The following FER variants were observed in gnomAD, a reference collection of about 807,000 sequenced individuals.
FER encodes tyrosine-protein kinase Fer.
Under a neutral mutation model 111.0 loss-of-function variants are expected in FER, and 63 were observed. The observed-to-expected ratio is 0.57, with a 90% CI of 0.46 to 0.70. The LOEUF (loss-of-function observed/expected upper bound fraction) is 0.70, where lower values mean the gene tolerates loss of function less well. Among genes scored for constraint, FER ranks in the 30% least tolerant of loss-of-function variants. FER has a pLI of 0.00. For synonymous variants in FER, 327 were observed against 313.9 expected (o/e 1.04, Z -0.44); for missense variants, 914 against 954.0 (o/e 0.96, Z 0.55).
intron 1 of FER, among the ~76,000 whole-genome samples, chr5:108,752,685 A>G (rs1001657887): frequency 7.2e-5 from 11 of 152,080 alleles, no homozygotes; most frequent in African/African-American, 2.4e-4. Context: ...ATCTAGGTAA[A>G]ACAAAGTTTT....
intron 17 of FER, among the ~76,000 whole-genome samples, chr5:109,116,099 C>A (rs139789559): frequency 2.0e-5 from 3 of 152,016 alleles, no homozygotes; most frequent in African/African-American, 4.8e-5. Context: ...TACATGAACT[C>A]AAAGGGAGTG....
intron 17 of FER, among the ~76,000 whole-genome samples, chr5:109,168,933 A>C (rs1756821775): frequency 1.3e-5 from 2 of 152,204 alleles, no homozygotes; most frequent in Admixed American, 1.3e-4. Flanking sequence ...CATTTATAGA[A>C]ATTATTTTGT....
intron 16 of FER, among the ~76,000 whole-genome samples, chr5:109,047,956 G>A (rs1193547144): frequency 4.0e-5 from 6 of 151,892 alleles, no homozygotes; most frequent in South Asian, 2.1e-4. Flanking sequence ...AGTTTTTTTC[G>A]TTGTCCAACT....
chr5:109,078,347 C>T (rs1776609509), intron 16 of FER, among the ~76,000 whole-genome samples: 1 of 152,076 alleles, frequency 6.6e-6, no homozygotes, highest in Non-Finnish European at 1.5e-5. Context: ...TATTTTTTAT[C>T]CACTGACAAG....
chr5:108,981,493 A>C (rs1284668119), intron 13 of FER, among the ~76,000 whole-genome samples: 2 of 152,128 alleles, frequency 1.3e-5, no homozygotes, highest in African/African-American at 4.8e-5. Flanking sequence ...CTACACATTC[A>C]GTTCTGAGTG....
At chr5:109,065,582 C>G (rs573892302) in intron 16 of FER, among the ~76,000 whole-genome samples, 1 of 152,130 alleles carries the variant, frequency 6.6e-6, no homozygotes, top group Non-Finnish European at 1.5e-5. Context: ...ATCAGCTGAG[C>G]TTGGTGGCTC....
chr5:109,075,973 A>G (rs899502133), intron 16 of FER, among the ~76,000 whole-genome samples: 1 of 152,026 alleles, frequency 6.6e-6, no homozygotes, highest in Non-Finnish European at 1.5e-5. Context: ...ATGTATCTTC[A>G]GAAAAGAAAA....
intron 10 of FER, among the ~76,000 whole-genome samples, chr5:108,906,721 C>T (rs1055538556): frequency 6.6e-6 from 1 of 151,700 alleles, no homozygotes; most frequent in Non-Finnish European, 1.5e-5. Flanking sequence ...AAAAAAATCC[C>T]TAAGTACAAT....
intron 5 of FER, among the ~76,000 whole-genome samples, chr5:108,847,947 G>A (rs1762177114): frequency 6.6e-6 from 1 of 151,886 alleles, no homozygotes; most frequent in Non-Finnish European, 1.5e-5. Context: ...TGCAGTGGTG[G>A]TGCGATCATA....
intron 17 of FER, among the ~76,000 whole-genome samples, chr5:109,180,416 G>C (rs1333364254): frequency 6.6e-6 from 1 of 152,188 alleles, no homozygotes; most frequent in African/African-American, 2.4e-5. Flanking sequence ...GGACAATGCT[G>C]CTCTAGGAAA....
At chr5:108,841,007 G>C (rs930985104) in intron 5 of FER, among the ~76,000 whole-genome samples, 3 of 152,214 alleles carry the variant, frequency 2.0e-5, no homozygotes, top group African/African-American at 7.2e-5. Flanking sequence ...ATGCCTAGCA[G>C]ATGACTGGGA....
rs958844781 is a variant in FER, at chr5:109,191,580, G to C, written c.*4005G>C. The C allele has an allele frequency of 6.6e-6, 1 of 151,878 alleles. No individual in the cohort carries two copies. Among genetic ancestry groups the C allele is most frequent in the African/African-American group, 2.4e-5 (1 of 41,362 alleles). The allele number at this position is 151,878 out of a possible 1,614,324, so 9.4% of individuals were successfully genotyped here. On this transcript the variant is annotated 3_prime_UTR_variant, in exon 20 of 20. Coordinates refer to ENST00000281092, the MANE Select transcript of FER (RefSeq NM_005246.4). ...GTTGGAAAAGACATGTTTTCTTTAGGTATTAATATCTTAATTAAATGGAAT... is the reference window on the plus strand; with the variant it reads ...GTTGGAAAAGACATGTTTTCTTTAGCTATTAATATCTTAATTAAATGGAAT...
At chr5:109,072,132 T>G (rs990642770) in intron 16 of FER, among the ~76,000 whole-genome samples, 15 of 151,830 alleles carry the variant, frequency 9.9e-5, no homozygotes, top group African/African-American at 3.6e-4. Context: ...TATAACTAAC[T>G]AGATCTTTTA....
chr5:108,863,069 C>G (rs1763688269), intron 5 of FER, among the ~76,000 whole-genome samples: 1 of 152,060 alleles, frequency 6.6e-6, no homozygotes, highest in Non-Finnish European at 1.5e-5. Context: ...AAGGGGTGAT[C>G]ACTTTTAGAT....
intron 2 of FER, among the ~76,000 whole-genome samples, chr5:108,787,007 G>A (rs911152445): frequency 3.3e-5 from 5 of 152,094 alleles, no homozygotes; most frequent in Admixed American, 1.3e-4. Context: ...TGCACCCATC[G>A]GGGCTGTGCA....
chr5:108,783,185 A>G (rs963848026), intron 2 of FER, among the ~76,000 whole-genome samples: 9 of 151,984 alleles, frequency 5.9e-5, no homozygotes, highest in African/African-American at 1.7e-4. Context: ...GATTGGGTGA[A>G]TTCTGTTGTT....
intron 16 of FER, among the ~76,000 whole-genome samples, chr5:109,060,877 T>A (rs1408485766): frequency 6.6e-6 from 1 of 151,882 alleles, no homozygotes; most frequent in South Asian, 2.1e-4. Context: ...ATCATCATCA[T>A]CAGTATCATT....
intron 13 of FER, among the ~76,000 whole-genome samples, chr5:109,030,371 G>A (rs1485811650): frequency 2.0e-5 from 3 of 152,110 alleles, no homozygotes; most frequent in East Asian, 1.9e-4. Context: ...TATGATGGAT[G>A]ATTTTTAATT....
intron 13 of FER, among the ~76,000 whole-genome samples, chr5:109,035,033 C>CTTTTTTT (rs554716544): frequency 8.4e-6 from 1 of 119,664 alleles, no homozygotes; most frequent in African/African-American, 3.2e-5. Context: ...AGAAATTGAA[C>CTTTTTTT]TTTTTTTTTT....
Sources: allele counts gnomAD v4.1 joint callset (sites outside exome capture counted in the v4.1 genomes callset), GRCh38; gene constraint gnomAD v4.1.1; transcripts MANE v1.5; gene names NCBI Gene and HGNC (gene_info 2026-07-23, HGNC 2026-07-21).